Variants in RPH3A observed in about 807,000 individuals in gnomAD.
The protein encoded by RPH3A is rabphilin 3A, also known as rabphilin-3A.
Under a neutral mutation model 102.2 loss-of-function variants are expected in RPH3A, and 48 were observed. The observed-to-expected ratio is 0.47, with a 90% confidence interval of 0.37 to 0.60. The LOEUF is 0.60. RPH3A is among the 20% of genes least tolerant of loss of function. RPH3A has a pLI of 0.00. For synonymous variants in RPH3A, 310 were observed against 324.3 expected, an observed-to-expected ratio of 0.96 and a Z score of 0.47; for missense variants, 781 against 910.1, an observed-to-expected ratio of 0.86 and a Z score of 1.83.
At chr12:112,810,663 A>T (rs906934688) in intron 2 of RPH3A, among the ~76,000 whole-genome samples, 2 of 152,146 alleles carry the variant, frequency 1.3e-5, no homozygotes, top group Non-Finnish European at 2.9e-5. Context: ...ACAACCCCTA[A>T]GTATGGTATG....
At chr12:112,678,299 A>AGAGAGAGAGAGAGAGAG (rs1389109730) in intron 1 of RPH3A, among the ~76,000 whole-genome samples, 7 of 41,374 alleles carry the variant, frequency 1.7e-4, no homozygotes, top group South Asian at 6.6e-4. Context: ...GAAAGAAAGA[A>AGAGAGAGAGAGAGAGAG]AGAAAGAGAG....
chr12:112,686,998 C>A (rs2040270102), intron 1 of RPH3A, among the ~76,000 whole-genome samples: 1 of 152,034 alleles, frequency 6.6e-6, no homozygotes, highest in South Asian at 2.1e-4. Context: ...ACATGTAGTC[C>A]CAGCTACTAG....
At chr12:112,850,266 C>T (rs1200385406) in intron 5 of RPH3A, among the ~76,000 whole-genome samples, 12 of 151,838 alleles carry the variant, frequency 7.9e-5, no homozygotes, top group Non-Finnish European at 1.3e-4. Context: ...AAAGGATTAT[C>T]GTGGTGAGTT....
At chr12:112,809,899 C>G (rs969384387) in intron 2 of RPH3A, among the ~76,000 whole-genome samples, 3 of 152,164 alleles carry the variant, frequency 2.0e-5, no homozygotes, top group Non-Finnish European at 2.9e-5. Flanking sequence ...ATCACCTTTC[C>G]CCGCCTCCTC....
chr12:112,867,415 C>T lies in RPH3A; in HGVS notation c.444+575C>T, dbSNP rs370416318. On this transcript the variant is annotated intron_variant, in intron 7 of 21. Transcript: ENST00000389385. ...CCCCATCCACTGCTGCAGAGTCCTG[C>T]CTTTGAAACCGTGTTTCAATAACCA... is the stretch of plus-strand genomic sequence containing the variant. 4.6e-5 allele frequency among the ~76,000 whole-genome samples: 7 copies of T among 152,264 alleles called. No homozygotes were observed. In the East Asian group the frequency reaches 9.6e-4, roughly 21 times the overall value.
intron 1 of RPH3A, among the ~76,000 whole-genome samples, chr12:112,706,610 C>T (rs191748724): frequency 5.1e-4 from 77 of 152,262 alleles, no homozygotes; most frequent in Non-Finnish European, 9.0e-4. Context: ...CCTTGAATAA[C>T]GCATAGAGGT....
intron 1 of RPH3A, among the ~76,000 whole-genome samples, chr12:112,633,062 C>T (rs1456827620): frequency 6.6e-6 from 1 of 151,708 alleles, no homozygotes; most frequent in African/African-American, 2.4e-5. Flanking sequence ...TGTGGTGGCA[C>T]ATGTCTGTAG....
intron 19 of RPH3A, chr12:112,891,327 G>T: frequency 3.6e-6 from 1 of 275,984 alleles, no homozygotes; most frequent in South Asian, 6.3e-5. Flanking sequence ...CACACCCCTC[G>T]GACCGCTCAG....
intron 3 of RPH3A, among the ~76,000 whole-genome samples, chr12:112,833,299 G>A (rs113030005): frequency 6.6e-6 from 1 of 152,146 alleles, no homozygotes; most frequent in Non-Finnish European, 1.5e-5. Context: ...CATCATGTTG[G>A]CATTTGAAAT....
intron 10 of RPH3A, chr12:112,874,282 A>G (rs1338706587): frequency 6.6e-6 from 1 of 152,248 alleles, no homozygotes; most frequent in Non-Finnish European, 1.5e-5. Context: ...TCTGGCACAG[A>G]TTCCAGAGGC....
At chr12:112,600,051 A>G (rs2039547528) in intron 1 of RPH3A, among the ~76,000 whole-genome samples, 2 of 152,140 alleles carry the variant, frequency 1.3e-5, no homozygotes, top group African/African-American at 2.4e-5. Flanking sequence ...TACAATTTCT[A>G]TGCTCAATAA....
chr12:112,687,375 T>G (rs904690967), intron 1 of RPH3A, among the ~76,000 whole-genome samples: 1 of 152,102 alleles, frequency 6.6e-6, no homozygotes, highest in African/African-American at 2.4e-5. Flanking sequence ...GGGATGCATG[T>G]CCACTTCAAA....
chr12:112,889,028 G>A (rs2043049530), intron 17 of RPH3A, among the ~76,000 whole-genome samples: 1 of 152,258 alleles, frequency 6.6e-6, no homozygotes, highest in Non-Finnish European at 1.5e-5. Context: ...CCACAGGGAA[G>A]CTATGGGGTG....
At chr12:112,595,070 C>G (rs2135965544) in intron 1 of RPH3A, among the ~76,000 whole-genome samples, 1 of 152,282 alleles carries the variant, frequency 6.6e-6, no homozygotes, top group South Asian at 2.1e-4. Context: ...GTCTTGAGTC[C>G]CATTTCCACA....
At chr12:112,787,901 A>G (rs889380093), upstream of RPH3A, among the ~76,000 whole-genome samples, 26 of 152,210 alleles carry the variant, frequency 1.7e-4, no homozygotes, top group African/African-American at 6.3e-4. Context: ...CCTCTGCTCC[A>G]TAAAACAAGG....
intron 1 of RPH3A, among the ~76,000 whole-genome samples, chr12:112,690,427 G>T (rs923990766): frequency 3.3e-5 from 5 of 152,190 alleles, no homozygotes; most frequent in African/African-American, 9.6e-5. Flanking sequence ...AGCTGGGCTT[G>T]TGCTGAAACC....
chr12:112,826,622 C>T (rs1053428576), intron 2 of RPH3A, among the ~76,000 whole-genome samples: 7 of 152,128 alleles, frequency 4.6e-5, no homozygotes, highest in African/African-American at 1.7e-4. Context: ...TTTATTTGCC[C>T]CAATTTCTGT....
At chr12:112,628,390 C>T (rs138494494) in intron 1 of RPH3A, among the ~76,000 whole-genome samples, 62 of 151,252 alleles carry the variant, frequency 4.1e-4, no homozygotes, top group South Asian at 8.4e-4. Flanking sequence ...GTCAGTGAAA[C>T]GGGGCAGATT....
chr12:112,834,198 A>T (rs551245755), intron 3 of RPH3A, among the ~76,000 whole-genome samples: 51 of 152,318 alleles, frequency 3.3e-4, no homozygotes, highest in Non-Finnish European at 6.5e-4. Context: ...CATTTTCTGG[A>T]ATTTCATATA....
Sources: gnomAD v4.1 joint callset for allele counts (sites outside exome capture counted in the v4.1 genomes callset) on GRCh38, gnomAD v4.1.1 for gene constraint, MANE v1.5 for transcripts, NCBI Gene and HGNC (gene_info 2026-07-23, HGNC 2026-07-21) for gene names.